The following COL8A1 variants were observed in gnomAD, a reference collection of about 807,000 sequenced individuals.
COL8A1 encodes collagen type VIII alpha 1 chain, also known as collagen alpha-1(VIII) chain.
A neutral mutation model predicts 42.7 loss-of-function variants in COL8A1; 21 were observed. The ratio of observed to expected loss-of-function variants is 0.49; its 90% CI spans 0.35 to 0.71. The LOEUF is 0.71. Among genes scored for constraint, COL8A1 ranks in the 30% least tolerant of loss-of-function variants. The pLI is 0.01. For synonymous variants in COL8A1, 367 were observed against 369.1 expected (o/e 0.99, Z 0.06); for missense variants, 788 against 962.4 (o/e 0.82, Z 2.40).
intron 2 of COL8A1, among the ~76,000 whole-genome samples, chr3:99,774,836 G>A (rs958593071): frequency 6.7e-6 from 1 of 150,184 alleles, no homozygotes; most frequent in Non-Finnish European, 1.5e-5. Flanking sequence ...TACTAAAAAA[G>A]GTGATCAATG....
At chr3:99,706,776 G>A (rs1939690183) in intron 1 of COL8A1, among the ~76,000 whole-genome samples, 1 of 152,232 alleles carries the variant, frequency 6.6e-6, no homozygotes, top group South Asian at 2.1e-4. Flanking sequence ...GTAGATTTTA[G>A]TAACTACTTA....
chr3:99,679,125 G>T (rs1045492170), intron 1 of COL8A1: 1 of 152,172 alleles, frequency 6.6e-6, no homozygotes, highest in Admixed American at 6.5e-5. Context: ...ATAGCCTGAA[G>T]AATAAGATTG....
chr3:99,782,516 C>T (rs1404399585), intron 2 of COL8A1, among the ~76,000 whole-genome samples: 2 of 152,048 alleles, frequency 1.3e-5, no homozygotes, highest in Admixed American at 6.6e-5. Context: ...CTCAGCCTCC[C>T]GAATAGCTGG....
chr3:99,721,897 G>C (rs1940168115), intron 1 of COL8A1, among the ~76,000 whole-genome samples: 1 of 150,806 alleles, frequency 6.6e-6, no homozygotes. Flanking sequence ...TTTTTTTTAT[G>C]CGGGTGGTGA....
At chr3:99,696,554 A>AC (rs1346408833) in intron 1 of COL8A1, among the ~76,000 whole-genome samples, 1 of 152,226 alleles carries the variant, frequency 6.6e-6, no homozygotes, top group African/African-American at 2.4e-5. Flanking sequence ...ATTGGAGGGA[A>AC]CATCCCTCTG....
chr3:99,768,848 G>A (rs1482725354), intron 2 of COL8A1, among the ~76,000 whole-genome samples: 1 of 152,196 alleles, frequency 6.6e-6, no homozygotes. Flanking sequence ...GTCTCCATTA[G>A]AGAATAGGTA....
intron 2 of COL8A1, among the ~76,000 whole-genome samples, chr3:99,784,328 T>C (rs537821605): frequency 6.6e-6 from 1 of 152,322 alleles, no homozygotes; most frequent in Admixed American, 6.5e-5. Context: ...AATTAGAAAC[T>C]GTAATGTCAA....
chr3:99,723,972 G>A (rs1247636720), intron 1 of COL8A1, among the ~76,000 whole-genome samples: 1 of 152,032 alleles, frequency 6.6e-6, no homozygotes, highest in Admixed American at 6.6e-5. Context: ...ATACAGCTGT[G>A]TGTCTGTTTA....
At chr3:99,761,934 C>T (rs1431873684) in intron 2 of COL8A1, among the ~76,000 whole-genome samples, 1 of 152,070 alleles carries the variant, frequency 6.6e-6, no homozygotes, top group African/African-American at 2.4e-5. Context: ...TTAAGAATTC[C>T]AGCTATTCCA....
In COL8A1 at chr3:99,795,269, T is replaced by G; in HGVS notation, c.1368T>G (p.Gly456=). 4 of 1,612,818 alleles carry G rather than the reference T, an allele frequency of 2.5e-6. No homozygotes were observed. The highest frequency in any genetic ancestry group is 3.4e-6 in the Non-Finnish European group (4 of 1,179,418). ...CTCCTGGCATGAGGGGTTTGCCAGGTCCCATAGGGCCCAAGGGGGAAGCTG... is the reference window on the plus strand; with the variant it reads ...CTCCTGGCATGAGGGGTTTGCCAGGGCCCATAGGGCCCAAGGGGGAAGCTG... ...VGPPGMRGLP[G]PIGPKGEAGQ... Residue 456 remains glycine (G), a synonymous_variant, in exon 4 of 4, where the codon GGT becomes GGG. Coordinates refer to ENST00000652472, the MANE Select transcript of COL8A1 (RefSeq NM_020351.4).
chr3:99,643,896 C>T (rs1576409738), intron 1 of COL8A1, among the ~76,000 whole-genome samples: 1 of 152,098 alleles, frequency 6.6e-6, no homozygotes. Flanking sequence ...GTACCTTCCT[C>T]GGCCTCTAAT....
chr3:99,679,479 T>G (rs940254997), intron 1 of COL8A1: 1 of 152,212 alleles, frequency 6.6e-6, no homozygotes, highest in Non-Finnish European at 1.5e-5. Context: ...ATAATAGAGT[T>G]TCCAGTCATT....
At chr3:99,675,052 G>T (rs1408204195) in intron 1 of COL8A1, among the ~76,000 whole-genome samples, 1 of 151,966 alleles carries the variant, frequency 6.6e-6, no homozygotes, top group Non-Finnish European at 1.5e-5. Flanking sequence ...GGCAGTCTAG[G>T]AATAACTAGA....
At chr3:99,700,088 C>T (rs1939491951) in intron 1 of COL8A1, among the ~76,000 whole-genome samples, 1 of 152,104 alleles carries the variant, frequency 6.6e-6, no homozygotes, top group African/African-American at 2.4e-5. Context: ...GGAGACTCTG[C>T]ATTTCTAACC....
intron 1 of COL8A1, among the ~76,000 whole-genome samples, chr3:99,707,824 T>G (rs989160795): frequency 6.6e-6 from 1 of 152,226 alleles, no homozygotes; most frequent in Non-Finnish European, 1.5e-5. Context: ...TTGAGCACTA[T>G]GTGCAGATAC....
At chr3:99,706,241 T>G (rs921504878) in intron 1 of COL8A1, among the ~76,000 whole-genome samples, 5 of 152,230 alleles carry the variant, frequency 3.3e-5, no homozygotes, top group African/African-American at 9.6e-5. Context: ...AGTGATAGTG[T>G]GAACTTTTGA....
At chr3:99,778,866 T>G (rs1941743473) in intron 2 of COL8A1, among the ~76,000 whole-genome samples, 1 of 152,118 alleles carries the variant, frequency 6.6e-6, no homozygotes, top group Admixed American at 6.5e-5. Flanking sequence ...TTGACAAGCA[T>G]TTCTCAAGAC....
At chr3:99,663,617 A>G (rs1249127246) in intron 1 of COL8A1, among the ~76,000 whole-genome samples, 4 of 152,152 alleles carry the variant, frequency 2.6e-5, no homozygotes, top group African/African-American at 9.7e-5. Flanking sequence ...ATATTTTCCA[A>G]CAATACTTAC....
At chr3:99,658,223 T>C (rs1026326556) in intron 1 of COL8A1, among the ~76,000 whole-genome samples, 2 of 152,070 alleles carry the variant, frequency 1.3e-5, no homozygotes, top group Admixed American at 1.3e-4. Context: ...CTGCCCGTCT[T>C]CTCAGCTCCA....
Sources: allele counts gnomAD v4.1 joint callset (sites outside exome capture counted in the v4.1 genomes callset), GRCh38; gene constraint gnomAD v4.1.1; transcripts MANE v1.5; gene names NCBI Gene and HGNC (gene_info 2026-07-23, HGNC 2026-07-21).